REL: variants seen among roughly 807,000 people sequenced by gnomAD.
REL encodes REL proto-oncogene, NF-kB subunit.
Under a neutral mutation model 45.9 loss-of-function variants are expected in REL, and 15 were observed. That is an observed-to-expected ratio of 0.33 (90% CI 0.22 to 0.50). The LOEUF is 0.50. Ranked by LOEUF, REL falls within the 20% of genes least tolerant of loss-of-function variation. The pLI is 0.98. For synonymous variants in REL, 239 were observed against 242.1 expected (o/e 0.99, Z 0.12); for missense variants, 601 against 715.2 (o/e 0.84, Z 1.82).
chr2:60,922,593 G>A lies in REL; in HGVS notation c.*58G>A. On this transcript the variant is annotated 3_prime_UTR_variant, in exon 10 of 10. Coordinates refer to ENST00000394479, the MANE Select transcript of REL (RefSeq NM_001291746.2). ...ACCACCTATATAGATGCAGCATTTT[G>A]TATTTGTCTAACTGGGGATATAATA... 6.8e-7 allele frequency: 1 copy of A among 1,473,558 alleles called. No individual in the cohort carries two copies. The highest frequency in any genetic ancestry group is 1.4e-5 in the South Asian group (1 of 73,198). 91.3% of individuals were successfully genotyped at this position (1,473,558 alleles called of 1,614,324 possible). A position where few individuals can be genotyped will look rare whatever the true frequency, so the allele number is the denominator to read the frequency against.
chr2:60,897,974 A>T (rs2103940478), intron 3 of REL, among the ~76,000 whole-genome samples: 1 of 151,908 alleles, frequency 6.6e-6, no homozygotes, highest in Non-Finnish European at 1.5e-5. Flanking sequence ...GCCGTATGTT[A>T]GTGATTGCGA....
intron 1 of REL, among the ~76,000 whole-genome samples, chr2:60,883,094 G>T (rs778509884): frequency 9.9e-5 from 15 of 152,194 alleles, no homozygotes; most frequent in Non-Finnish European, 1.8e-4. Flanking sequence ...CCAGACAGAG[G>T]AAGCAGCGTG....
intron 3 of REL, 44 bp from the exon 4 acceptor site, chr2:60,900,948 T>C (rs1673477356): frequency 6.6e-7 from 1 of 1,509,146 alleles, no homozygotes; most frequent in Non-Finnish European, 9.1e-7. Context: ...GCAATATTCC[T>C]TGTGTTTATA....
Position 60,901,117 on chromosome 2 carries a change from T to G in REL, c.394+34T>G, listed in dbSNP as rs754937818. ...GTTTGATAAAATCATTTCTATTTAT[T>G]TGGGTGTTGATTTCTGTTTCTTTTT... On this transcript the variant is annotated intron_variant, in intron 4 of 9. Transcript: ENST00000394479. 1 of 1,525,474 alleles carries G rather than the reference T, an allele frequency of 6.6e-7. No homozygotes were observed. Among genetic ancestry groups the G allele is most frequent in the South Asian group, 1.3e-5 (1 of 78,286 alleles). 94.5% of individuals were successfully genotyped at this position (1,525,474 alleles called of 1,614,324 possible). A position where few individuals can be genotyped will look rare whatever the true frequency, so the allele number is the denominator to read the frequency against.
At chr2:60,918,869 T>G (rs1029361707) in intron 7 of REL, among the ~76,000 whole-genome samples, 1 of 152,040 alleles carries the variant, frequency 6.6e-6, no homozygotes, top group African/African-American at 2.4e-5. Flanking sequence ...TAGCTCACTG[T>G]AACCTCCTCC....
At chr2:60,892,471 C>T (rs909606611) in intron 2 of REL, among the ~76,000 whole-genome samples, 1 of 152,128 alleles carries the variant, frequency 6.6e-6, no homozygotes, top group East Asian at 1.9e-4. Context: ...ACTTGTCGCC[C>T]AGGCTGGAGT....
chr2:60,896,500 T>C (rs1184009731), intron 3 of REL, among the ~76,000 whole-genome samples: 1 of 152,142 alleles, frequency 6.6e-6, no homozygotes, highest in African/African-American at 2.4e-5. Context: ...TGAACATGTA[T>C]TGGCTTTTGG....
chr2:60,895,139 G>A (rs1416957062), intron 3 of REL, among the ~76,000 whole-genome samples: 1 of 151,810 alleles, frequency 6.6e-6, no homozygotes, highest in Non-Finnish European at 1.5e-5. Context: ...GATTACAGGT[G>A]TGAGACACCG....
At chr2:60,896,243 A>G (rs141781363) in intron 3 of REL, among the ~76,000 whole-genome samples, 201 of 152,298 alleles carry the variant, frequency 1.3e-3, no homozygotes, top group East Asian at 7.3e-3. Context: ...TCCTGACCTC[A>G]GGTGATCCAC....
rs1674371829 is a variant in REL, at chr2:60,930,979, T to C, written c.*8444T>C. The C allele has an allele frequency of 6.6e-6, 1 of 152,384 alleles. No individual in the cohort carries two copies. Among genetic ancestry groups the C allele is most frequent in the Admixed American group, 6.5e-5 (1 of 15,288 alleles). The allele number at this position is 152,384 out of a possible 1,614,324, so 9.4% of individuals were successfully genotyped here. A position where few individuals can be genotyped will look rare whatever the true frequency, so the allele number is the denominator to read the frequency against. Reference sequence around the variant, plus strand: ...AGCAAGTAAATGAAATATAAATTTTTGGTAAAAGTATCAAACATTCATCTT... The same window carrying C: ...AGCAAGTAAATGAAATATAAATTTTCGGTAAAAGTATCAAACATTCATCTT... On this transcript the variant is annotated 3_prime_UTR_variant, in exon 10 of 10. Coordinates refer to ENST00000394479, the MANE Select transcript of REL (RefSeq NM_001291746.2).
chr2:60,910,371 G>A (rs12989427), intron 4 of REL, among the ~76,000 whole-genome samples: 17,601 of 151,204 alleles, frequency 0.12, 1,362 homozygotes, highest in Non-Finnish European at 0.16. Context: ...AGGCTGAGAC[G>A]GGAGAATGGC....
Position 60,925,476 on chromosome 2 carries a change from G to C in REL, c.*2941G>C, listed in dbSNP as rs1290450837. 2 of 182,170 alleles carry C rather than the reference G, an allele frequency of 1.1e-5. No homozygotes were observed. Among genetic ancestry groups the C allele is most frequent in the African/African-American group, 2.4e-5 (1 of 42,418 alleles). 11.3% of individuals were successfully genotyped at this position (182,170 alleles called of 1,614,324 possible). On this transcript the variant is annotated 3_prime_UTR_variant, in exon 10 of 10. Coordinates refer to ENST00000394479, the MANE Select transcript of REL (RefSeq NM_001291746.2). ...TATTTCTGTATTATAAATTTTTCAT[G>C]AGCAGCCATTATGAAATCTCACAAG...
chr2:60,894,399 T>A lies in REL; in HGVS notation c.156T>A (p.Ile52=). 1 of 1,511,506 alleles carries A rather than the reference T, an allele frequency of 6.6e-7. No homozygotes were observed. The highest frequency in any genetic ancestry group is 9.0e-7 in the Non-Finnish European group (1 of 1,112,680). 93.6% of individuals were successfully genotyped at this position (1,511,506 alleles called of 1,614,324 possible). Residue 52 remains isoleucine, a splice_region_variant and synonymous_variant, in exon 3 of 10, where the codon ATT becomes ATA. Coordinates refer to ENST00000394479, the MANE Select transcript of REL (RefSeq NM_001291746.2). ...ATTTAATTTCCCCCTTTTTTCAGAT[T>A]ATGAACTATTATGGAAAAGGAAAAG... ...DNNRTYPSIQ[I]MNYYGKGKVR...
Position 60,920,071 on chromosome 2 carries a change from A to G in REL, c.884A>G (p.Lys295Arg). 5.6e-6 allele frequency: 9 copies of G among 1,612,382 alleles called. No individual in the cohort carries two copies. The highest frequency in any genetic ancestry group is 7.6e-6 in the Non-Finnish European group (9 of 1,178,974). ...DTYGNKAKKQ[K>R]TTLLFQKLCQ... ...TACGGCAATAAAGCAAAGAAACAAAAGACAACTCTGCTTTTCCAGAAACTG... is the reference window on the plus strand; with the variant it reads ...TACGGCAATAAAGCAAAGAAACAAAGGACAACTCTGCTTTTCCAGAAACTG... Residue 295 changes from lysine (K) to arginine (R), a missense_variant, in exon 8 of 10, where the codon AAG (lysine) becomes AGG (arginine). Lys to Arg is a conservative substitution (Grantham distance 26). This residue lies in a region of REL where 241 missense variants were observed against 347.0 expected (regional missense o/e 0.69). Coordinates refer to ENST00000394479, the MANE Select transcript of REL (RefSeq NM_001291746.2).
chr2:60,902,113 G>A (rs1164225120), intron 4 of REL, among the ~76,000 whole-genome samples: 2 of 152,048 alleles, frequency 1.3e-5, no homozygotes, highest in African/African-American at 4.8e-5. Flanking sequence ...TTAAATGACT[G>A]TAATATTTTC....
intron 4 of REL, among the ~76,000 whole-genome samples, chr2:60,913,041 C>T (rs1214648689): frequency 6.6e-6 from 1 of 152,068 alleles, no homozygotes; most frequent in Non-Finnish European, 1.5e-5. Context: ...AAAGACAAGA[C>T]ACAAAGTGTT....
chr2:60,910,047 C>T (rs1673768855), intron 4 of REL, among the ~76,000 whole-genome samples: 1 of 151,962 alleles, frequency 6.6e-6, no homozygotes, highest in Admixed American at 6.6e-5. Flanking sequence ...AATTTAATTC[C>T]TGCTTATGAA....
intron 4 of REL, among the ~76,000 whole-genome samples, chr2:60,913,076 G>A (rs1673864573): frequency 6.6e-6 from 1 of 151,992 alleles, no homozygotes; most frequent in South Asian, 2.1e-4. Flanking sequence ...TGATAAATTT[G>A]ATTATATTCT....
chr2:60,900,628 A>AT (rs1175416842), intron 3 of REL: 3 of 177,440 alleles, frequency 1.7e-5, no homozygotes, highest in African/African-American at 7.2e-5. Context: ...GGCTCAAGTG[A>AT]TTCTCCTGCC....
Sources: gnomAD v4.1 joint callset for allele counts (sites outside exome capture counted in the v4.1 genomes callset) on GRCh38, gnomAD v4.1.1 for gene constraint, gnomAD v4.1.1 regional missense constraint, MANE v1.5 for transcripts, NCBI Gene and HGNC (gene_info 2026-07-23, HGNC 2026-07-21) for gene names.